Variants in MAMLD1 observed in about 807,000 individuals in gnomAD.
The protein encoded by MAMLD1 is mastermind like domain containing 1, also known as mastermind-like domain-containing protein 1.
In MAMLD1, 14 loss-of-function variants were observed where a neutral mutation model predicts 45.0. The ratio of observed to expected loss-of-function variants is 0.31; its 90% CI spans 0.21 to 0.49. MAMLD1 has a LOEUF of 0.49. MAMLD1 is among the 20% of genes least tolerant of loss of function. The pLI is 0.99. For synonymous variants in MAMLD1, 254 were observed against 247.8 expected, an observed-to-expected ratio of 1.02 and a Z score of -0.24; for missense variants, 543 against 603.6, an observed-to-expected ratio of 0.90 and a Z score of 1.05.
chrX:150,404,690 G>A (rs1023235428), intron 1 of MAMLD1, among the ~76,000 whole-genome samples: 1 of 111,247 alleles, frequency 9.0e-6, no homozygotes, highest in African/African-American at 3.3e-5. Flanking sequence ...CCTCCCTCTG[G>A]CCCCTCTCCA....
At position 150,363,349 on chromosome X, in the gene MAMLD1, T is replaced by A. The variant is rs899286879; in HGVS notation, c.-245T>A. 1 of 111,419 alleles carries A rather than the reference T, an allele frequency of 9.0e-6. No individual in the cohort carries two copies. Among genetic ancestry groups the A allele is most frequent in the African/African-American group, 3.2e-5 (1 of 30,851 alleles). The allele number at this position is 111,419 out of a possible 1,213,427, so 9.2% of individuals were successfully genotyped here. A position where few individuals can be genotyped will look rare whatever the true frequency, so the allele number is the denominator to read the frequency against. The stretch of plus-strand genomic sequence containing the variant: ...GGCCGCCACTGCAGCGCCGCCAGCA[T>A]GAACTTGGCCGCGAGCTGAAGCGGC... On this transcript the variant is annotated 5_prime_UTR_variant, in exon 1 of 8. An upstream start codon of the reference 5' UTR is lost. Coordinates refer to ENST00000370401, the MANE Select transcript of MAMLD1 (RefSeq NM_005491.5).
At chrX:150,461,536 G>T (rs1409185661) in intron 2 of MAMLD1, among the ~76,000 whole-genome samples, 1 of 111,763 alleles carries the variant, frequency 8.9e-6, no homozygotes, top group Non-Finnish European at 1.9e-5. Context: ...CTAGAAAAGG[G>T]GTGTTTTCTC....
chrX:150,473,743 G>A lies in MAMLD1; in HGVS notation c.1981G>A (p.Gly661Arg), dbSNP rs782372032. The change falls in exon 5 of 8, where the codon GGG (glycine) becomes AGG (arginine). Residue 661 changes from glycine (G) to arginine (R), a missense_variant. Gly to Arg is a moderately radical substitution (Grantham distance 125). Transcript: ENST00000370401. ...ASSVKPQHQH[G>R]NSFTSRQDPQ... is the part of the protein sequence containing the mutation. ...CTCGGTGAAGCCCCAGCATCAACAC[G>A]GGAACTCTTTCACTAGCAGGCAAGA... is the stretch of plus-strand genomic sequence containing the variant. 1.2e-5 allele frequency: 14 copies of A among 1,204,319 alleles called. No homozygotes were observed. The highest frequency in any genetic ancestry group is 5.9e-5 in the East Asian group (2 of 33,729).
chrX:150,494,746 G>A (rs781839704), intron 5 of MAMLD1, among the ~76,000 whole-genome samples: 1 of 110,807 alleles, frequency 9.0e-6, no homozygotes, highest in Admixed American at 9.6e-5. Flanking sequence ...TGGGAGTGGT[G>A]GTACAAGCCT....
intron 5 of MAMLD1, among the ~76,000 whole-genome samples, chrX:150,492,771 T>G (rs782567694): frequency 8.9e-6 from 1 of 112,497 alleles, no homozygotes; most frequent in African/African-American, 3.2e-5. Flanking sequence ...TAGGTCTTGC[T>G]GACTCTCATA....
intron 1 of MAMLD1, among the ~76,000 whole-genome samples, chrX:150,391,986 G>A (rs2033198146): frequency 9.0e-6 from 1 of 111,713 alleles, no homozygotes; most frequent in African/African-American, 3.3e-5. Flanking sequence ...TGGAAGTTCA[G>A]CTTACCCTGG....
chrX:150,373,574 C>A (rs2032149754), intron 1 of MAMLD1, among the ~76,000 whole-genome samples: 1 of 111,812 alleles, frequency 8.9e-6, no homozygotes, highest in African/African-American at 3.3e-5. Flanking sequence ...AGGTCTGAAG[C>A]CCTATTCTGC....
intron 5 of MAMLD1, among the ~76,000 whole-genome samples, chrX:150,502,206 A>G (rs1557408562): frequency 8.9e-6 from 1 of 112,907 alleles, no homozygotes; most frequent in African/African-American, 3.2e-5. Flanking sequence ...GGTGCTTAGT[A>G]AGTGTTTATT....
At chrX:150,400,670 G>A (rs1293275226) in intron 1 of MAMLD1, among the ~76,000 whole-genome samples, 18 of 110,933 alleles carry the variant, frequency 1.6e-4, no homozygotes, top group South Asian at 1.1e-3. Flanking sequence ...AGCATGAAGC[G>A]TTGTTGAATT....
intron 1 of MAMLD1, among the ~76,000 whole-genome samples, chrX:150,392,588 T>C (rs1569564495): frequency 9.1e-6 from 1 of 109,450 alleles, no homozygotes; most frequent in Admixed American, 9.8e-5. Flanking sequence ...TACATGAGAA[T>C]TGGGGATGGG....
chrX:150,414,277 T>C (rs1270355307), intron 1 of MAMLD1, among the ~76,000 whole-genome samples: 1 of 111,496 alleles, frequency 9.0e-6, no homozygotes, highest in Non-Finnish European at 1.9e-5. Context: ...TGTGTTAGAA[T>C]AGCTTACCTT....
chrX:150,387,972 G>C (rs2033007874), intron 1 of MAMLD1, among the ~76,000 whole-genome samples: 1 of 111,699 alleles, frequency 9.0e-6, no homozygotes, highest in African/African-American at 3.2e-5. Context: ...GTTCATAAAA[G>C]ATATTTATTT....
intron 1 of MAMLD1, among the ~76,000 whole-genome samples, chrX:150,418,115 C>A (rs1463134964): frequency 1.7e-4 from 19 of 111,577 alleles, no homozygotes; most frequent in South Asian, 1.5e-3. Context: ...ACAATTTCAG[C>A]TCCTGTTATT....
At chrX:150,398,326 GAAGAAGAAGAAGAAGA>G (rs1569564608) in intron 1 of MAMLD1, among the ~76,000 whole-genome samples, 20 of 88,126 alleles carry the variant, frequency 2.3e-4, no homozygotes, top group South Asian at 9.7e-4. Flanking sequence ...AGAAGAAGAA[GAAGAAGAAGAAGAAGA>G]GGAAGAGGAA....
chrX:150,423,290 G>T (rs1315776191), intron 1 of MAMLD1, among the ~76,000 whole-genome samples: 1 of 110,591 alleles, frequency 9.0e-6, no homozygotes, highest in Non-Finnish European at 1.9e-5. Flanking sequence ...TTCCTGTAGG[G>T]TAAGTCTAGG....
At chrX:150,457,920 A>T (rs1557405420) in intron 2 of MAMLD1, among the ~76,000 whole-genome samples, 1 of 111,943 alleles carries the variant, frequency 8.9e-6, no homozygotes, top group African/African-American at 3.3e-5. Flanking sequence ...ACACTTTTAA[A>T]AAGTTAATTT....
rs1396348432 is a variant in MAMLD1, at chrX:150,370,550, A to G, written c.-64+7020A>G. Among the ~76,000 whole-genome samples, 5 of 111,675 alleles carry G rather than the reference A, an allele frequency of 4.5e-5. No homozygotes were observed. In the East Asian group the frequency reaches 1.4e-3, roughly 31 times the overall value. On this transcript the variant is annotated intron_variant, in intron 1 of 7. Coordinates refer to ENST00000370401, the MANE Select transcript of MAMLD1 (RefSeq NM_005491.5). ...GTAGCTTGTGTTATAGGATATTTAC[A>G]TGCCAAGATTGGAGGTGCATAGTCC... is the stretch of plus-strand genomic sequence containing the variant.
intron 5 of MAMLD1, among the ~76,000 whole-genome samples, chrX:150,493,499 T>C (rs1569565020): frequency 1.8e-5 from 2 of 111,816 alleles, no homozygotes; most frequent in Non-Finnish European, 1.9e-5. Context: ...ATATAAAACA[T>C]ATAATAATAA....
intron 1 of MAMLD1, among the ~76,000 whole-genome samples, chrX:150,440,812 A>G (rs1409713984): frequency 9.5e-6 from 1 of 105,046 alleles, no homozygotes; most frequent in Non-Finnish European, 1.9e-5. Flanking sequence ...GGGTTTCTCT[A>G]TTGTTTTTCT....
Sources: gnomAD v4.1 joint callset for allele counts (sites outside exome capture counted in the v4.1 genomes callset) on GRCh38, gnomAD v4.1.1 for gene constraint, MANE v1.5 for transcripts, NCBI Gene and HGNC (gene_info 2026-07-23, HGNC 2026-07-21) for gene names.